TMEM171: variants seen among roughly 807,000 people sequenced by gnomAD.
TMEM171 encodes transmembrane protein 171, also known as proline-rich protein PRP2.
A neutral mutation model predicts 19.1 loss-of-function variants in TMEM171; 16 were observed. That is an observed-to-expected ratio of 0.84 (90% confidence interval 0.57 to 1.27). The LOEUF (loss-of-function observed/expected upper bound fraction) is 1.27, where lower values mean the gene tolerates loss of function less well. TMEM171 is among the 50% of genes most tolerant of loss of function. The probability of loss-of-function intolerance (pLI) is 0.00; values close to 1 mark genes in which losing one functional copy is unlikely to be tolerated. For missense variants in TMEM171, 429 were observed against 412.7 expected, an observed-to-expected ratio of 1.04 and a Z score of -0.34; for synonymous variants, 153 against 163.4, an observed-to-expected ratio of 0.94 and a Z score of 0.48.
Position 73,123,347 on chromosome 5 carries a change from G to T in TMEM171, c.-27G>T, listed in dbSNP as rs759484206. 7 of 1,582,210 alleles carry T rather than the reference G, an allele frequency of 4.4e-6. No homozygotes were observed. In the South Asian group the frequency reaches 8.0e-5, roughly 18 times the overall value. ...GAGGGAAGAAAACACATCCCACCCTGCCTCCGGGAAGGGGCCTCTCCTGGA... is the reference window on the plus strand; with the variant it reads ...GAGGGAAGAAAACACATCCCACCCTTCCTCCGGGAAGGGGCCTCTCCTGGA... On this transcript the variant is annotated 5_prime_UTR_variant, in exon 2 of 4. Transcript: ENST00000454765.
In TMEM171 at chr5:73,128,546, T is replaced by C. The variant is rs144446190; in HGVS notation, c.782+15T>C. ...TTCAACTATGGGTAAGAATTTCAATTTGAACTTCAAGAGAGGCCTGAATTC... is the reference window on the plus strand; with the variant it reads ...TTCAACTATGGGTAAGAATTTCAATCTGAACTTCAAGAGAGGCCTGAATTC... On this transcript the variant is annotated intron_variant, in intron 3 of 3. Coordinates refer to ENST00000454765, the MANE Select transcript of TMEM171 (RefSeq NM_173490.8). The C allele has an allele frequency of 2.5e-6, 4 of 1,613,426 alleles. No homozygotes were observed. Among genetic ancestry groups the C allele is most frequent in the Non-Finnish European group, 3.4e-6 (4 of 1,179,572 alleles).
intron 3 of TMEM171, among the ~76,000 whole-genome samples, chr5:73,131,202 G>A (rs766643397): frequency 6.6e-6 from 1 of 150,894 alleles, no homozygotes; most frequent in Admixed American, 6.6e-5. Context: ...TGTCCCAGAA[G>A]ACAGAATAGC....
intron 3 of TMEM171, among the ~76,000 whole-genome samples, chr5:73,128,898 G>C (rs996299355): frequency 2.6e-5 from 4 of 152,240 alleles, no homozygotes; most frequent in Admixed American, 1.3e-4. Context: ...TTTGAGACCA[G>C]CCTGGCCAAC....
chr5:73,124,108 T>A, intron 2 of TMEM171, 95 bp downstream of exon 2: 1 of 1,099,380 alleles, frequency 9.1e-7, no homozygotes, highest in Non-Finnish European at 1.3e-6. Context: ...ATTCTCTTTC[T>A]CAATTCTTCC....
rs754000803 is a variant in TMEM171, at chr5:73,128,398, G to C, written c.649G>C (p.Val217Leu). Residue 217 changes from valine to leucine, a missense_variant, in exon 3 of 4, where the codon GTA (valine) becomes CTA (leucine). Transcript: ENST00000454765. Reference protein sequence around the residue: ...EPVQVTVGDSVIIFPPPPPPY... With the variant: ...EPVQVTVGDSLIIFPPPPPPY... ...ATATTGTTTTGCCTTAGGTGACTCG[G>C]TAATAATATTTCCACCCCCTCCACC... The C allele has an allele frequency of 6.2e-7, 1 of 1,614,050 alleles. No homozygotes were observed. Among genetic ancestry groups the C allele is most frequent in the Non-Finnish European group, 8.5e-7 (1 of 1,180,002 alleles).
chr5:73,123,382 T>C lies in TMEM171; in HGVS notation c.9T>C (p.Pro3=). The C allele has an allele frequency of 6.2e-7, 1 of 1,612,312 alleles. No individual in the cohort carries two copies. The highest frequency in any genetic ancestry group is 8.5e-7 in the Non-Finnish European group (1 of 1,178,660). The change falls in exon 2 of 4, where the codon CCT becomes CCC. Residue 3 remains proline (P), a synonymous_variant. Coordinates refer to ENST00000454765, the MANE Select transcript of TMEM171 (RefSeq NM_173490.8). MS[P]AAAAEPDGDQ... ...AGGGGCCTCTCCTGGACATGTCTCC[T>C]GCAGCTGCTGCTGAGCCAGATGGGG...
In TMEM171 at chr5:73,131,776, A is replaced by T; in HGVS notation, c.*46A>T. On this transcript the variant is annotated 3_prime_UTR_variant, in exon 4 of 4. Coordinates refer to ENST00000454765, the MANE Select transcript of TMEM171 (RefSeq NM_173490.8). ...TTTATATGCAATGGATCACTATTTT[A>T]TTTAATTTTTTTTAAATAAAAAATA... 1 of 1,456,356 alleles carries T rather than the reference A, an allele frequency of 6.9e-7. No individual in the cohort carries two copies. The highest frequency in any genetic ancestry group is 9.1e-7 in the Non-Finnish European group (1 of 1,094,482). The allele number at this position is 1,456,356 out of a possible 1,614,324, so 90.2% of individuals were successfully genotyped here.
At chr5:73,130,331 G>A (rs1442686405) in intron 3 of TMEM171, among the ~76,000 whole-genome samples, 1 of 152,144 alleles carries the variant, frequency 6.6e-6, no homozygotes, top group Non-Finnish European at 1.5e-5. Flanking sequence ...GGCTCTGGTG[G>A]TACCTTCTAG....
At chr5:73,127,378 A>T (rs1394937718) in intron 2 of TMEM171, among the ~76,000 whole-genome samples, 7 of 63,232 alleles carry the variant, frequency 1.1e-4, no homozygotes, top group African/African-American at 5.5e-4. Flanking sequence ...GTAAAAAAAA[A>T]AAAAAAATAT....
Position 73,123,995 on chromosome 5 carries a change from C to G in TMEM171, c.622C>G (p.Pro208Ala). The change falls in exon 2 of 4, where the codon CCT becomes GCT. Residue 208 changes from proline to alanine, a missense_variant. Physicochemically the swap from Pro to Ala is conservative, Grantham distance 27. Coordinates refer to ENST00000454765, the MANE Select transcript of TMEM171 (RefSeq NM_173490.8). ...AGAGGGACAGATCCAGATTATGGAG[C>G]CTGTCCAGGTCACTGTAGGTGGGTT... Reference protein sequence around the residue: ...REEGQIQIMEPVQVTVGDSVI... With the variant: ...REEGQIQIMEAVQVTVGDSVI... The G allele has an allele frequency of 6.4e-7, 1 of 1,569,442 alleles. No homozygotes were observed. Among genetic ancestry groups the G allele is most frequent in the Non-Finnish European group, 8.6e-7 (1 of 1,159,878 alleles).
At chr5:73,128,368 A>G (rs912545509) in intron 2 of TMEM171, 22 bp from the exon 3 acceptor site, 3 of 1,609,744 alleles carry the variant, frequency 1.9e-6, no homozygotes, top group African/African-American at 1.3e-5. Flanking sequence ...CCTGTTGTCA[A>G]CTAAATATTG....
intron 2 of TMEM171, among the ~76,000 whole-genome samples, chr5:73,127,407 A>ATG (rs1364234564): frequency 1.5e-4 from 21 of 137,128 alleles, no homozygotes; most frequent in African/African-American, 5.7e-4. Flanking sequence ...ATATATATAT[A>ATG]AAGCATAAAC....
chr5:73,123,964 G>A lies in TMEM171; in HGVS notation c.591G>A (p.Glu197=). 2 of 1,602,782 alleles carry A rather than the reference G, an allele frequency of 1.2e-6. No individual in the cohort carries two copies. The highest frequency in any genetic ancestry group is 1.7e-6 in the Non-Finnish European group (2 of 1,175,270). ...NTLNAGQDAS[E]REEGQIQIME... ...TGAATGCTGGCCAGGATGCCTCTGA[G>A]AGAGAAGAGGGACAGATCCAGATTA... The change falls in exon 2 of 4, where the codon GAG becomes GAA. Residue 197 remains glutamate, a synonymous_variant. Coordinates refer to ENST00000454765, the MANE Select transcript of TMEM171 (RefSeq NM_173490.8).
rs773830148 is a variant in TMEM171 at position 73,128,527 on chromosome 5, T to C, written c.778T>C (p.Tyr260His). 6.2e-7 allele frequency: 1 copy of C among 1,613,878 alleles called. No homozygotes were observed. The change falls in exon 3 of 4, where the codon TAT becomes CAT. Residue 260 changes from tyrosine to histidine, a missense_variant. Coordinates refer to ENST00000454765, the MANE Select transcript of TMEM171 (RefSeq NM_173490.8). ...CCCTTCATATTACAGTATTTTCAACTATGGGTAAGAATTTCAATTTGAACT... is the reference window on the plus strand; with the variant it reads ...CCCTTCATATTACAGTATTTTCAACCATGGGTAAGAATTTCAATTTGAACT... ...NPPSYYSIFN[Y>H]GRTPTSEGAA...
intron 2 of TMEM171, among the ~76,000 whole-genome samples, chr5:73,124,934 A>G (rs1439189867): frequency 1.3e-5 from 2 of 152,234 alleles, no homozygotes; most frequent in Non-Finnish European, 2.9e-5. Flanking sequence ...ACTGACATTT[A>G]AAAGGCTAGG....
chr5:73,123,225 T>A, intron 1 of TMEM171, 81 bp from the exon 2 acceptor site: 1 of 1,293,452 alleles, frequency 7.7e-7, no homozygotes, highest in South Asian at 1.6e-5. Flanking sequence ...GTGGTGTGAT[T>A]TCAGAAATGA....
At chr5:73,121,153 A>G (rs1743997995) in intron 1 of TMEM171, among the ~76,000 whole-genome samples, 1 of 152,138 alleles carries the variant, frequency 6.6e-6, no homozygotes, top group African/African-American at 2.4e-5. Context: ...TCAGAGGTGA[A>G]CACTCAGCCA....
chr5:73,128,253 A>G (rs1744233651), intron 2 of TMEM171, 137 bp from the exon 3 acceptor site: 6 of 993,302 alleles, frequency 6.0e-6, no homozygotes, highest in Non-Finnish European at 9.1e-6. Context: ...TAATGGGCTT[A>G]CTTTTAAATT....
chr5:73,126,924 T>C (rs1580236525), intron 2 of TMEM171, among the ~76,000 whole-genome samples: 1 of 152,192 alleles, frequency 6.6e-6, no homozygotes, highest in Non-Finnish European at 1.5e-5. Context: ...GCATTTTATA[T>C]TGGAATCGGA....
Sources: allele counts gnomAD v4.1 joint callset (sites outside exome capture counted in the v4.1 genomes callset), GRCh38; gene constraint gnomAD v4.1.1; transcripts MANE v1.5; gene names NCBI Gene and HGNC (gene_info 2026-07-23, HGNC 2026-07-21).